Variants in KATNIP observed in about 807,000 individuals in gnomAD.
KATNIP encodes katanin interacting protein.
KATNIP carries 126 observed loss-of-function variants against 174.0 expected under a neutral mutation model. The observed-to-expected ratio is 0.72, with a 90% confidence interval of 0.63 to 0.84. KATNIP has a LOEUF of 0.84. Ranked by LOEUF, KATNIP falls within the 40% of genes least tolerant of loss-of-function variation. The probability of loss-of-function intolerance (pLI) is 0.00; values close to 1 mark genes in which losing one functional copy is unlikely to be tolerated. For missense variants in KATNIP, 1,958 were observed against 2,109.7 expected, an observed-to-expected ratio of 0.93 and a Z score of 1.41; for synonymous variants, 810 against 835.7, an observed-to-expected ratio of 0.97 and a Z score of 0.53.
At chr16:27,761,370 T>G (rs776980693) in intron 18 of KATNIP, 43 bp from the exon 19 acceptor site, 20 of 1,558,140 alleles carry the variant, frequency 1.3e-5, no homozygotes, top group Non-Finnish European at 1.6e-5. Context: ...ATGCCTCCTC[T>G]GGAGCCTCTG....
intron 3 of KATNIP, among the ~76,000 whole-genome samples, chr16:27,623,555 A>T (rs2076253292): frequency 6.6e-6 from 1 of 151,920 alleles, no homozygotes; most frequent in Non-Finnish European, 1.5e-5. Flanking sequence ...CAACCCCTGG[A>T]CTCAAGCGAT....
chr16:27,701,063 A>C (rs1265779411), intron 10 of KATNIP, among the ~76,000 whole-genome samples: 3 of 152,214 alleles, frequency 2.0e-5, no homozygotes, highest in African/African-American at 7.2e-5. Context: ...ATTAAAAATG[A>C]AAGGGCCTAA....
chr16:27,730,033 C>T (rs1244527250), intron 14 of KATNIP, among the ~76,000 whole-genome samples: 1 of 152,262 alleles, frequency 6.6e-6, no homozygotes, highest in Non-Finnish European at 1.5e-5. Context: ...GATACGCTGC[C>T]TGCCCCTGCA....
At chr16:27,701,747 G>A (rs2079107438) in intron 11 of KATNIP, 52 bp downstream of exon 11, 1 of 1,237,258 alleles carries the variant, frequency 8.1e-7, no homozygotes, top group Admixed American at 2.1e-5. Context: ...TGCAGCCATG[G>A]GGATCTTCTT....
At chr16:27,694,720 C>A (rs1006964084) in intron 8 of KATNIP, among the ~76,000 whole-genome samples, 2 of 152,036 alleles carry the variant, frequency 1.3e-5, no homozygotes, top group Non-Finnish European at 2.9e-5. Flanking sequence ...TGCTTGAACC[C>A]CAGAGGTAGA....
chr16:27,774,270 CATT>C (rs1275059074), intron 23 of KATNIP, among the ~76,000 whole-genome samples: 2 of 152,296 alleles, frequency 1.3e-5, no homozygotes, highest in East Asian at 3.9e-4. Context: ...TGTTTTAGAT[CATT>C]ATTAGCGACT....
intron 6 of KATNIP, among the ~76,000 whole-genome samples, chr16:27,669,139 A>T (rs2077795031): frequency 6.6e-6 from 1 of 152,208 alleles, no homozygotes. Context: ...TATTGCAAAA[A>T]CTTCATGTTT....
At chr16:27,641,700 G>T (rs1024527919) in intron 5 of KATNIP, among the ~76,000 whole-genome samples, 2 of 152,248 alleles carry the variant, frequency 1.3e-5, no homozygotes, top group African/African-American at 4.8e-5. Flanking sequence ...GCGTGTAAAT[G>T]ACCTGGGATA....
At chr16:27,663,110 A>C (rs1193410698) in intron 6 of KATNIP, among the ~76,000 whole-genome samples, 3 of 146,748 alleles carry the variant, frequency 2.0e-5, no homozygotes, top group Non-Finnish European at 4.5e-5. Context: ...AACCTGACTT[A>C]AGTTAAATGT....
At chr16:27,696,545 C>G (rs1386535156) in intron 8 of KATNIP, among the ~76,000 whole-genome samples, 1 of 152,084 alleles carries the variant, frequency 6.6e-6, no homozygotes, top group Non-Finnish European at 1.5e-5. Flanking sequence ...CTGCTAGTAT[C>G]CGTGTGTTCT....
chr16:27,631,133 A>C lies in KATNIP; in HGVS notation c.379A>C (p.Ser127Arg), dbSNP rs1217308259. 1.9e-6 allele frequency: 3 copies of C among 1,573,534 alleles called. No individual in the cohort carries two copies. The highest frequency in any genetic ancestry group is 8.6e-7 in the Non-Finnish European group (1 of 1,158,304). Residue 127 changes from serine to arginine, a missense_variant, in exon 5 of 28, where the codon AGT becomes CGT. By Grantham distance (110) the Ser-to-Arg change is moderately radical (BLOSUM62 -1). Around this residue, in one of 3 missense-constraint regions of KATNIP, gnomAD observed 1,557 missense variants for 1,617.8 expected, o/e 0.96. Coordinates refer to ENST00000261588, the MANE Select transcript of KATNIP (RefSeq NM_015202.5). ...AAGACGCAGTTCACGGACAGCCCCC[A>C]GTAAAGTCCAGCGCCGAGGATGGCA... ...ALRRSSRTAP[S>R]KVQRRGWHQK...
intron 1 of KATNIP, among the ~76,000 whole-genome samples, chr16:27,567,889 AG>A (rs1417235224): frequency 1.3e-5 from 2 of 152,194 alleles, no homozygotes; most frequent in African/African-American, 4.8e-5. Flanking sequence ...GTTTGTGCCC[AG>A]CAGTTCCAGG....
chr16:27,716,884 G>A (rs994754842), intron 13 of KATNIP, among the ~76,000 whole-genome samples: 2 of 151,446 alleles, frequency 1.3e-5, no homozygotes, highest in Non-Finnish European at 2.9e-5. Flanking sequence ...TCACACTGTC[G>A]CCCAGGCTGG....
At chr16:27,572,894 T>C (rs2090360388) in intron 1 of KATNIP, among the ~76,000 whole-genome samples, 1 of 152,226 alleles carries the variant, frequency 6.6e-6, no homozygotes, top group African/African-American at 2.4e-5. Context: ...CGGTTCTTCC[T>C]AGGCCTTGGC....
chr16:27,725,355 C>T (rs998873503), intron 14 of KATNIP, among the ~76,000 whole-genome samples: 10 of 152,286 alleles, frequency 6.6e-5, no homozygotes, highest in African/African-American at 2.4e-4. Context: ...TTTGCCAACT[C>T]GGATGGGAAA....
At chr16:27,602,264 A>G (rs758433233) in intron 2 of KATNIP, among the ~76,000 whole-genome samples, 22 of 152,094 alleles carry the variant, frequency 1.4e-4, no homozygotes, top group Non-Finnish European at 4.4e-5. Flanking sequence ...GACTCGCTTA[A>G]AATCCAGTTG....
chr16:27,737,399 G>A (rs149885159), intron 14 of KATNIP, among the ~76,000 whole-genome samples: 2 of 152,020 alleles, frequency 1.3e-5, no homozygotes, highest in South Asian at 2.1e-4. Context: ...AAAAAAGAGA[G>A]CATTCTGTTT....
chr16:27,691,599 C>A (rs949900246), intron 8 of KATNIP, among the ~76,000 whole-genome samples: 1 of 152,116 alleles, frequency 6.6e-6, no homozygotes, highest in Admixed American at 6.5e-5. Flanking sequence ...ACAGAGGGAA[C>A]GTGATTTTGG....
chr16:27,712,654 A>G (rs905559469), intron 13 of KATNIP, among the ~76,000 whole-genome samples: 1 of 152,108 alleles, frequency 6.6e-6, no homozygotes, highest in African/African-American at 2.4e-5. Context: ...TGCCCGCACC[A>G]TGTCTCTCAT....
Sources: allele counts gnomAD v4.1 joint callset (sites outside exome capture counted in the v4.1 genomes callset), GRCh38; gene constraint gnomAD v4.1.1; regional missense constraint gnomAD v4.1.1; transcripts MANE v1.5; gene names NCBI Gene and HGNC (gene_info 2026-07-23, HGNC 2026-07-21).